Variants in PINX1 observed in about 807,000 individuals in gnomAD.
The protein encoded by PINX1 is PIN2 (TERF1) interacting telomerase inhibitor 1, also known as PIN2/TERF1-interacting telomerase inhibitor 1.
Under a neutral mutation model 25.4 loss-of-function variants are expected in PINX1, and 34 were observed. The observed-to-expected ratio is 1.34, with a 90% CI of 1.02 to 1.78. PINX1 has a LOEUF of 1.78. Ranked by LOEUF, PINX1 falls within the 40% of genes most tolerant of loss-of-function variation. The pLI is 0.00. For synonymous variants in PINX1, 197 were observed against 147.7 expected (o/e 1.33, Z -2.42); for missense variants, 592 against 404.9 (o/e 1.46, Z -3.97).
At chr8:10,805,610 C>T (rs11998606) in intron 6 of PINX1, among the ~76,000 whole-genome samples, 13,022 of 52,466 alleles carry the variant, frequency 0.25, 1,295 homozygotes, top group African/African-American at 0.38. Context: ...GCCACACTAG[C>T]GCTGAGTGGG....
At chr8:10,834,585 A>G in intron 2 of PINX1, 81 bp downstream of exon 2, 3 of 1,509,140 alleles carry the variant, frequency 2.0e-6, no homozygotes, top group Non-Finnish European at 2.7e-6. Context: ...AGTTTCTTCC[A>G]GTCTCCTAAG....
intron 5 of PINX1, among the ~76,000 whole-genome samples, chr8:10,823,847 T>C (rs1797951385): frequency 6.6e-6 from 1 of 152,128 alleles, no homozygotes; most frequent in African/African-American, 2.4e-5. Context: ...ATAAAAATAA[T>C]GATACAGCTG....
chr8:10,820,303 T>C (rs2129085763), intron 5 of PINX1, 34 bp from the exon 6 acceptor site: 2 of 1,451,166 alleles, frequency 1.4e-6, no homozygotes, highest in South Asian at 1.2e-5. Flanking sequence ...TCAGTAAGAC[T>C]GTTCTTCCTA....
chr8:10,838,974 T>C (rs1798487185), intron 1 of PINX1, among the ~76,000 whole-genome samples: 2 of 152,180 alleles, frequency 1.3e-5, no homozygotes, highest in Admixed American at 6.5e-5. Context: ...GCTTGATCTG[T>C]TAAATAAGCT....
chr8:10,811,369 C>T (rs1027352908), intron 6 of PINX1, among the ~76,000 whole-genome samples: 1 of 152,194 alleles, frequency 6.6e-6, no homozygotes, highest in Non-Finnish European at 1.5e-5. Flanking sequence ...TTTCCTCATT[C>T]TACTGGCTCA....
chr8:10,825,356 C>A (rs573858226), intron 5 of PINX1: 17 of 534,778 alleles, frequency 3.2e-5, no homozygotes, highest in South Asian at 2.4e-4. Context: ...AAAGAACCAT[C>A]AACAGAGACT....
intron 4 of PINX1, among the ~76,000 whole-genome samples, chr8:10,829,275 G>C (rs923319847): frequency 6.2e-5 from 7 of 112,384 alleles, no homozygotes; most frequent in African/African-American, 2.0e-4. Flanking sequence ...CACAGAGCAA[G>C]ACTCCATCTC....
Position 10,827,747 on chromosome 8 carries a change from A to C in PINX1, c.302-1503T>G, listed in dbSNP as rs1016407399. Among the ~76,000 whole-genome samples, 4 of 149,890 alleles carry C rather than the reference A, an allele frequency of 2.7e-5. No homozygotes were observed. The South Asian group carries it at 8.6e-4, about 32-fold the overall frequency. On this transcript the variant is annotated intron_variant, in intron 4 of 6. Coordinates refer to ENST00000314787, the MANE Select transcript of PINX1 (RefSeq NM_017884.6). ...TGGTGAAACCCCGTCTCTACTAAAA[A>C]TACAAAAAAAAAAATTAGCCGGGCG...
At chr8:10,822,243 T>C (rs1797900903) in intron 5 of PINX1, 1 of 150,292 alleles carries the variant, frequency 6.7e-6, no homozygotes, top group Admixed American at 6.6e-5. Flanking sequence ...TTAATGGTCC[T>C]GATGGAAAGC....
At chr8:10,822,835 C>T (rs926149827) in intron 5 of PINX1, among the ~76,000 whole-genome samples, 1 of 152,068 alleles carries the variant, frequency 6.6e-6, no homozygotes, top group Non-Finnish European at 1.5e-5. Flanking sequence ...AAGTGAAGGG[C>T]AAGGAATATG....
At chr8:10,776,718 G>C (rs1044003868) in intron 6 of PINX1, among the ~76,000 whole-genome samples, 1 of 152,108 alleles carries the variant, frequency 6.6e-6, no homozygotes, top group Non-Finnish European at 1.5e-5. Flanking sequence ...AAGGGACCAC[G>C]AGGAAGGGGA....
intron 6 of PINX1, among the ~76,000 whole-genome samples, chr8:10,807,830 C>G (rs1469539185): frequency 6.6e-6 from 1 of 152,216 alleles, no homozygotes; most frequent in South Asian, 2.1e-4. Context: ...AGGAGCAAGG[C>G]TGGGGAAAAG....
At chr8:10,769,249 T>A (rs907857997) in intron 6 of PINX1, among the ~76,000 whole-genome samples, 1 of 152,142 alleles carries the variant, frequency 6.6e-6, no homozygotes, top group Non-Finnish European at 1.5e-5. Context: ...TTTTTGCCAC[T>A]AATGGCAAAA....
chr8:10,778,482 T>C lies in PINX1; in HGVS notation c.472-12566A>G, dbSNP rs151133903. ...ACATTTCTCTGTCTCATGTATCTCC[T>C]GTAGGGTTCAAGTGAGAGGCAGCCT... On this transcript the variant is annotated intron_variant, in intron 6 of 6. Transcript: ENST00000314787. 2.4e-3 allele frequency among the ~76,000 whole-genome samples: 369 copies of C among 152,280 alleles called. 2 individuals carry two copies. The highest frequency in any genetic ancestry group is 7.9e-3 in the South Asian group (38 of 4,812).
intron 6 of PINX1, among the ~76,000 whole-genome samples, chr8:10,814,618 C>T (rs890322747): frequency 2.0e-5 from 3 of 152,216 alleles, no homozygotes; most frequent in South Asian, 2.1e-4. Context: ...TTGTGCATGG[C>T]GTAGAATGTA....
At chr8:10,792,960 A>G (rs1336367375) in intron 6 of PINX1, among the ~76,000 whole-genome samples, 1 of 152,140 alleles carries the variant, frequency 6.6e-6, no homozygotes, top group African/African-American at 2.4e-5. Flanking sequence ...CGCACACTGC[A>G]CCTCAGCCCT....
intron 6 of PINX1, among the ~76,000 whole-genome samples, chr8:10,808,352 T>C (rs1323184544): frequency 6.6e-6 from 1 of 152,174 alleles, no homozygotes; most frequent in East Asian, 1.9e-4. Context: ...GGGAGGAGGC[T>C]TGTGAGGTGG....
intron 4 of PINX1, among the ~76,000 whole-genome samples, chr8:10,826,696 G>A (rs765726473): frequency 9.9e-5 from 15 of 152,192 alleles, no homozygotes; most frequent in East Asian, 1.9e-4. Flanking sequence ...CGCTGCCACC[G>A]CAATGGCCAA....
At position 10,819,875 on chromosome 8, in the gene PINX1, T is replaced by C. The variant is rs570323803; in HGVS notation, c.471+318A>G. Reference sequence around the variant, plus strand: ...ACAAAATCCCTCCCCTTCTCGGCCATGGAAGAGATATTTTCCCCTCTGATT... The same window carrying C: ...ACAAAATCCCTCCCCTTCTCGGCCACGGAAGAGATATTTTCCCCTCTGATT... On this transcript the variant is annotated intron_variant, in intron 6 of 6. Coordinates refer to ENST00000314787, the MANE Select transcript of PINX1 (RefSeq NM_017884.6). Among the ~76,000 whole-genome samples, 6 of 152,286 alleles carry C rather than the reference T, an allele frequency of 3.9e-5. No individual in the cohort carries two copies. In the South Asian group the frequency reaches 8.3e-4, roughly 21 times the overall value.
Sources: allele counts gnomAD v4.1 joint callset (sites outside exome capture counted in the v4.1 genomes callset), GRCh38; gene constraint gnomAD v4.1.1; transcripts MANE v1.5; gene names NCBI Gene and HGNC (gene_info 2026-07-23, HGNC 2026-07-21).